RNF213: variants seen among roughly 807,000 people sequenced by gnomAD.
RNF213 encodes E3 ubiquitin-protein ligase RNF213.
A neutral mutation model predicts 514.4 loss-of-function variants in RNF213; 341 were observed. The ratio of observed to expected loss-of-function variants is 0.66; its 90% CI spans 0.61 to 0.73. The LOEUF is 0.73. RNF213 is among the 30% of genes least tolerant of loss of function. RNF213 has a pLI of 0.00. For missense variants in RNF213, 5,767 were observed against 6,615.6 expected, an observed-to-expected ratio of 0.87 and a Z score of 4.45; for synonymous variants, 2,655 against 2,658.2, an observed-to-expected ratio of 1.00 and a Z score of 0.04.
At chr17:80,269,631 C>G (rs1019379273) in intron 2 of RNF213, among the ~76,000 whole-genome samples, 4 of 152,130 alleles carry the variant, frequency 2.6e-5, no homozygotes, top group Admixed American at 2.6e-4. Flanking sequence ...ATCCATTCAT[C>G]TAGCTTATCT....
rs189138406 is a variant in RNF213 at position 80,277,879 on chromosome 17, G to C, written c.261+4475G>C. Among the ~76,000 whole-genome samples the C allele has an allele frequency of 3.1e-4, 47 of 152,334 alleles. 1 individual carries two copies. The East Asian group carries it at 7.7e-3, about 25-fold the overall frequency. On this transcript the variant is annotated intron_variant, in intron 3 of 67. Coordinates refer to ENST00000582970, the MANE Select transcript of RNF213 (RefSeq NM_001256071.3). ...AGAAGCTGAGACAGCGAGCTGCGTG[G>C]CCAGCCTCACCCTGCAGCAGAGTCA...
chr17:80,389,137 C>G (rs377183895), intron 64 of RNF213, 36 bp from the exon 65 acceptor site: 13 of 1,601,058 alleles, frequency 8.1e-6, no homozygotes, highest in African/African-American at 2.7e-5. Flanking sequence ...AGAAACCCAG[C>G]CCACAGACAT....
intron 44 of RNF213, among the ~76,000 whole-genome samples, chr17:80,368,871 A>T (rs1419852398): frequency 6.6e-6 from 1 of 152,120 alleles, no homozygotes; most frequent in African/African-American, 2.4e-5. Flanking sequence ...CGGCTCTGTG[A>T]GTGGTTGGTT....
intron 58 of RNF213, among the ~76,000 whole-genome samples, 178 bp from the exon 59 acceptor site, chr17:80,383,499 C>T (rs964463457): frequency 2.0e-5 from 3 of 151,958 alleles, no homozygotes; most frequent in Non-Finnish European, 4.4e-5. Context: ...GGGAGACATA[C>T]ATCTATAAAC....
Position 80,290,584 on chromosome 17 carries a change from G to C in RNF213, c.1127G>C (p.Gly376Ala), listed in dbSNP as rs747984239. The C allele has an allele frequency of 3.7e-6, 6 of 1,614,034 alleles. No homozygotes were observed. The South Asian group carries it at 6.6e-5, about 18-fold the overall frequency. Residue 376 changes from glycine (G) to alanine (A), a missense_variant, in exon 7 of 68, where the codon GGT becomes GCT. Transcript: ENST00000582970. Reference protein sequence around the residue: ...QEVKASTLSPGGGVTVFFHAI... With the variant: ...QEVKASTLSPAGGVTVFFHAI... ...TTTTCCACCAGCACGCTGAGCCCGG[G>C]TGGAGGAGTCACCGTGTTCTTCCAC... is the stretch of plus-strand genomic sequence containing the variant.
intron 22 of RNF213, among the ~76,000 whole-genome samples, chr17:80,334,977 A>C (rs1211452231): frequency 6.7e-6 from 1 of 148,308 alleles, no homozygotes. Context: ...GCTGGAGTGC[A>C]GTGGTGCAAT....
chr17:80,264,460 G>A lies in RNF213; in HGVS notation c.97+682G>A, dbSNP rs140183688. ...AATTTTGTTGGCTTCTGGGGCCTCA[G>A]ACTGGTTCCCCTCCTCCCGGGTTTT... On this transcript the variant is annotated intron_variant, in intron 2 of 67. Coordinates refer to ENST00000582970, the MANE Select transcript of RNF213 (RefSeq NM_001256071.3). This position sits in a 1 kb window ranked among gnomAD's most constrained non-coding sequence, Gnocchi z 5.0. Among the ~76,000 whole-genome samples, 16 of 152,182 alleles carry A rather than the reference G, an allele frequency of 1.1e-4. No individual in the cohort carries two copies. Among genetic ancestry groups the A allele is most frequent in the Middle Eastern group, 3.4e-3 (1 of 294 alleles).
At chr17:80,308,520 C>G (rs1157686073) in intron 13 of RNF213, among the ~76,000 whole-genome samples, 2 of 151,424 alleles carry the variant, frequency 1.3e-5, no homozygotes, top group South Asian at 2.1e-4. Flanking sequence ...AGGCTCCTCC[C>G]GAGTCCCTAC....
chr17:80,358,491 G>A lies in RNF213; in HGVS notation c.11054+12G>A, dbSNP rs770562324. 38 of 1,610,206 alleles carry A rather than the reference G, an allele frequency of 2.4e-5. No homozygotes were observed. The South Asian group carries it at 2.8e-4, about 12-fold the overall frequency. ...ATGAATAATGAAAGGTGAGTGGAAG[G>A]CTTTCTTTCCCTGGGGAGAGAAACT... is the stretch of plus-strand genomic sequence containing the variant. On this transcript the variant is annotated intron_variant, in intron 37 of 67. Transcript: ENST00000582970.
chr17:80,319,901 G>A (rs1046542287), intron 17 of RNF213: 93 of 1,068,176 alleles, frequency 8.7e-5, no homozygotes, highest in Non-Finnish European at 9.9e-5. Context: ...ACAGCCTTGC[G>A]GCCACAGGGG....
rs397968636 is a variant in RNF213 at position 80,374,004 on chromosome 17, CA to C, written c.12943-434del. Among the ~76,000 whole-genome samples the C allele has an allele frequency of 9.9e-3, 951 of 96,190 alleles. 6 individuals are homozygous for C. The highest frequency in any genetic ancestry group is 0.027 in the African/African-American group (677 of 25,280). 63.1% of individuals were successfully genotyped at this position (96,190 alleles called of 152,430 possible). A position where few individuals can be genotyped will look rare whatever the true frequency, so the allele number is the denominator to read the frequency against. On this transcript the variant is annotated intron_variant, in intron 49 of 67. Transcript: ENST00000582970. Reference sequence around the variant, plus strand: ...TGGGCGATAGAGCGAGACTCCGTCTCAAAAAAAAAAAAAAAAAAAAGAGGCT... The same window carrying C: ...TGGGCGATAGAGCGAGACTCCGTCTCAAAAAAAAAAAAAAAAAAAGAGGCT...
intron 42 of RNF213, among the ~76,000 whole-genome samples, chr17:80,365,937 G>GT (rs11383116): frequency 0.034 from 5,139 of 152,022 alleles, 118 homozygotes; most frequent in Middle Eastern, 0.071. Context: ...CGTGGGGAGG[G>GT]TTTTTTTTGG....
chr17:80,282,634 G>A (rs1224143375), intron 3 of RNF213, among the ~76,000 whole-genome samples: 9 of 152,008 alleles, frequency 5.9e-5, no homozygotes, highest in African/African-American at 1.7e-4. Context: ...TCCTGACCTT[G>A]TGATCCACCC....
chr17:80,362,044 C>T (rs1377461843), intron 39 of RNF213, among the ~76,000 whole-genome samples, 156 bp downstream of exon 39: 3 of 152,082 alleles, frequency 2.0e-5, no homozygotes, highest in Non-Finnish European at 4.4e-5. Flanking sequence ...GTGAAGGGGT[C>T]GCCCAGTCTC....
intron 46 of RNF213, among the ~76,000 whole-genome samples, chr17:80,371,009 ATT>A (rs34235051): frequency 3.3e-5 from 5 of 151,088 alleles, no homozygotes; most frequent in African/African-American, 1.2e-4. Context: ...ATGAATATGG[ATT>A]TTTTTTTTTA....
At chr17:80,281,452 A>ACATATCCCACT in intron 3 of RNF213, among the ~76,000 whole-genome samples, 2 of 95,696 alleles carry the variant, frequency 2.1e-5, no homozygotes, top group Non-Finnish European at 4.5e-5. Context: ...CCTGCAACAT[A>ACATATCCCACT]CACCCCACTC....
Position 80,343,943 on chromosome 17 carries a change from C to T in RNF213, c.6270C>T (p.Asn2090=). ...TAAATGGGAAAATGTGGCTTCGGAA[C>T]CCCTGCCATTTGTATATCGTTGAAA... is the stretch of plus-strand genomic sequence containing the variant. ...MDINGKMWLR[N]PCHLYIVEIL... The change falls in exon 28 of 68, where the codon AAC becomes AAT. Residue 2090 remains asparagine, a synonymous_variant. Coordinates refer to ENST00000582970, the MANE Select transcript of RNF213 (RefSeq NM_001256071.3). The surrounding 1 kb of genome is among the most constrained non-coding windows in gnomAD (Gnocchi z 4.3). The T allele has an allele frequency of 6.2e-7, 1 of 1,614,138 alleles. No individual in the cohort carries two copies. Among genetic ancestry groups the T allele is most frequent in the Non-Finnish European group, 8.5e-7 (1 of 1,180,008 alleles).
chr17:80,309,130 G>T lies in RNF213; in HGVS notation c.2614G>T (p.Ala872Ser). The change falls in exon 14 of 68, where the codon GCC (alanine) becomes TCC (serine). Residue 872 changes from alanine (A) to serine (S), a missense_variant. Ala to Ser is a moderately conservative substitution (Grantham distance 99, BLOSUM62 1). Transcript: ENST00000582970. ...LKFYELPALSAEIVCRMIRLL... is the reference protein window; with the variant it reads ...LKFYELPALSSEIVCRMIRLL... ...GTTTTACGAGCTGCCAGCCTTATCT[G>T]CCGAGATTGTCTGCAGAATGATTAG... 6.2e-7 allele frequency: 1 copy of T among 1,614,186 alleles called. No individual in the cohort carries two copies. Among genetic ancestry groups the T allele is most frequent in the Non-Finnish European group, 8.5e-7 (1 of 1,180,040 alleles).
In RNF213 at chr17:80,336,232, C is replaced by T. The variant is rs750230960; in HGVS notation, c.4381C>T (p.Arg1461Trp). 11 of 1,537,070 alleles carry T rather than the reference C, an allele frequency of 7.2e-6. No homozygotes were observed. Among genetic ancestry groups the T allele is most frequent in the Admixed American group, 3.9e-5 (2 of 50,968 alleles). The change falls in exon 23 of 68, where the codon CGG becomes TGG. Residue 1461 changes from arginine (R) to tryptophan (W), a missense_variant. Arg to Trp is a moderately radical substitution (Grantham distance 101, BLOSUM62 -3). Transcript: ENST00000582970. ...SAGENDIDVD[R>W]VACFHDAVQG... ...GGGGGAGAATGACATTGATGTGGACCGGGTGGCCTGCTTCCATGACGCTGT... is the reference window on the plus strand; with the variant it reads ...GGGGGAGAATGACATTGATGTGGACTGGGTGGCCTGCTTCCATGACGCTGT...
Sources: allele counts gnomAD v4.1 joint callset (sites outside exome capture counted in the v4.1 genomes callset), GRCh38; gene constraint gnomAD v4.1.1; non-coding constraint Gnocchi (gnomAD v3.1); transcripts MANE v1.5; gene names NCBI Gene and HGNC (gene_info 2026-07-23, HGNC 2026-07-21).